The following CPS1 variants were observed in gnomAD, a reference collection of about 807,000 sequenced individuals.
CPS1 encodes the protein carbamoyl-phosphate synthase [ammonia], mitochondrial.
Under a neutral mutation model 174.6 loss-of-function variants are expected in CPS1, and 109 were observed. The ratio of observed to expected loss-of-function variants is 0.62; its 90% CI spans 0.53 to 0.73. CPS1 has a LOEUF of 0.73. Ranked by LOEUF, CPS1 falls within the 30% of genes least tolerant of loss-of-function variation. CPS1 has a pLI of 0.00. For missense variants in CPS1, 1,689 were observed against 1,821.9 expected (o/e 0.93, Z 1.33); for synonymous variants, 637 against 632.0 (o/e 1.01, Z -0.12).
intron 1 of CPS1, among the ~76,000 whole-genome samples, chr2:210,559,950 A>G (rs1052810914): frequency 1.3e-5 from 2 of 152,108 alleles, no homozygotes; most frequent in Non-Finnish European, 2.9e-5. Context: ...CATTCTATAC[A>G]TTTTAGTAGA....
chr2:210,602,103 A>G lies in CPS1; in HGVS notation c.1708-99A>G, dbSNP rs1393967291. Reference sequence around the variant, plus strand: ...GAACATTTCTAGATTCACTCTCCCCACATAAGTTGGTTTACCTGATTGCCA... The same window carrying G: ...GAACATTTCTAGATTCACTCTCCCCGCATAAGTTGGTTTACCTGATTGCCA... On this transcript the variant is annotated intron_variant, in intron 15 of 37. Transcript: ENST00000233072. 2.9e-6 allele frequency: 4 copies of G among 1,389,288 alleles called. No homozygotes were observed. In the African/African-American group the frequency reaches 4.3e-5, roughly 15 times the overall value. 86.1% of individuals were successfully genotyped at this position (1,389,288 alleles called of 1,614,324 possible). A position where few individuals can be genotyped will look rare whatever the true frequency, so the allele number is the denominator to read the frequency against.
intron 1 of CPS1, among the ~76,000 whole-genome samples, chr2:210,532,555 TC>T (rs1425191650): frequency 6.6e-6 from 1 of 152,178 alleles, no homozygotes; most frequent in Non-Finnish European, 1.5e-5. Context: ...GCTAACTATG[TC>T]TTTTTTTTTA....
Position 210,512,975 on chromosome 2 carries a change from TATATATGGAG to T in CPS1, c.3+35211_3+35220del. 9.7e-5 allele frequency among the ~76,000 whole-genome samples: 3 copies of T among 31,072 alleles called. 1 individual carries two copies. Among genetic ancestry groups the T allele is most frequent in the South Asian group, 1.7e-3 (1 of 604 alleles). The allele number at this position is 31,072 out of a possible 152,430, so 20.4% of individuals were successfully genotyped here. ...ATGGAGATATATATATGGAGATATA[TATATATGGAG>T]AGATATATATATGGAGATATATATA... is the stretch of plus-strand genomic sequence containing the variant. On this transcript the variant is annotated intron_variant, in intron 1 of 38. Coordinates refer to the CPS1 transcript ENST00000430249.
chr2:210,660,218 A>G (rs1700871714), intron 31 of CPS1, among the ~76,000 whole-genome samples: 1 of 152,154 alleles, frequency 6.6e-6, no homozygotes, highest in South Asian at 2.1e-4. Context: ...GGGGTATGGC[A>G]TTATTTGAGC....
intron 37 of CPS1, 87 bp downstream of exon 37, chr2:210,677,223 C>A (rs1431290191): frequency 2.4e-6 from 3 of 1,264,320 alleles, no homozygotes; most frequent in Non-Finnish European, 3.5e-6. Context: ...GCACATCTCT[C>A]TTTTCCCCTC....
At chr2:210,577,236 T>C in intron 3 of CPS1, 185 bp from the exon 4 acceptor site, 1 of 615,702 alleles carries the variant, frequency 1.6e-6, no homozygotes, top group South Asian at 1.9e-5. Context: ...CTCAGGATAA[T>C]TAATGCAACA....
intron 1 of CPS1, among the ~76,000 whole-genome samples, chr2:210,492,135 A>G (rs115408863): frequency 0.012 from 1,821 of 152,338 alleles, 25 homozygotes; most frequent in Admixed American, 0.024. Flanking sequence ...TTTTCTGTGC[A>G]ATACCATGTT....
intron 9 of CPS1, 77 bp from the exon 10 acceptor site, chr2:210,591,754 C>G: frequency 6.6e-7 from 1 of 1,509,672 alleles, no homozygotes; most frequent in Non-Finnish European, 9.1e-7. Context: ...TACTTGTTCA[C>G]TACTTTATAA....
intron 1 of CPS1, among the ~76,000 whole-genome samples, chr2:210,533,732 C>T (rs1696175247): frequency 6.6e-6 from 1 of 152,050 alleles, no homozygotes; most frequent in African/African-American, 2.4e-5. Flanking sequence ...TAAGTAATTC[C>T]TAGTTTTGCA....
chr2:210,571,840 G>A (rs1697500153), intron 1 of CPS1, among the ~76,000 whole-genome samples: 1 of 149,476 alleles, frequency 6.7e-6, no homozygotes, highest in Non-Finnish European at 1.5e-5. Context: ...TGGAGTTCCT[G>A]CTGCCTACTA....
chr2:210,556,125 A>G (rs1268122386), upstream of CPS1, among the ~76,000 whole-genome samples: 2 of 152,052 alleles, frequency 1.3e-5, no homozygotes, highest in Admixed American at 6.6e-5. Context: ...TTTATTGTAT[A>G]TTTGTGGAGA....
chr2:210,606,607 A>G (rs1427937969), intron 17 of CPS1, 124 bp from the exon 18 acceptor site: 4 of 883,380 alleles, frequency 4.5e-6, no homozygotes, highest in Admixed American at 3.9e-5. Context: ...ACCTGATATC[A>G]CATATATATC....
At chr2:210,621,080 C>T (rs761550176) in intron 21 of CPS1, among the ~76,000 whole-genome samples, 2 of 152,086 alleles carry the variant, frequency 1.3e-5, no homozygotes, top group East Asian at 1.9e-4. Context: ...TTCCTGTTTA[C>T]GCTCACTGAC....
intron 23 of CPS1, among the ~76,000 whole-genome samples, 158 bp downstream of exon 23, chr2:210,639,373 G>A (rs1700138305): frequency 6.6e-6 from 1 of 151,908 alleles, no homozygotes; most frequent in Non-Finnish European, 1.5e-5. Flanking sequence ...AGCACTTTGG[G>A]AGGCCGAGGC....
intron 28 of CPS1, among the ~76,000 whole-genome samples, chr2:210,651,242 A>C (rs1431072156): frequency 2.6e-5 from 4 of 152,148 alleles, no homozygotes; most frequent in Non-Finnish European, 5.9e-5. Context: ...GGAGCATTTC[A>C]AAGAGGAATA....
At chr2:210,640,513 G>C (rs188996542) in intron 24 of CPS1, among the ~76,000 whole-genome samples, 49 of 152,198 alleles carry the variant, frequency 3.2e-4, no homozygotes, top group African/African-American at 1.2e-3. Flanking sequence ...CAAAAATCTT[G>C]TCTGTTTGGT....
intron 20 of CPS1, 48 bp from the exon 21 acceptor site, chr2:210,616,375 A>G (rs113599189): frequency 8.4e-6 from 11 of 1,308,990 alleles, no homozygotes; most frequent in South Asian, 1.2e-5. Context: ...CAAATAAGAC[A>G]TTTAGAAAAA....
chr2:210,605,266 G>C lies in CPS1; in HGVS notation c.1981+20G>C, dbSNP rs372001261. 30 of 1,611,224 alleles carry C rather than the reference G, an allele frequency of 1.9e-5. No homozygotes were observed. In the African/African-American group the frequency reaches 3.6e-4, roughly 19 times the overall value. The stretch of plus-strand genomic sequence containing the variant: ...ACACAGGTAGGCAAAGTATCTTCAA[G>C]AACTATAGTAATGCTTTCAGTTCAT... On this transcript the variant is annotated intron_variant, in intron 17 of 37. Coordinates refer to ENST00000233072, the MANE Select transcript of CPS1 (RefSeq NM_001875.5).
At chr2:210,499,598 T>G (rs1020780392) in intron 1 of CPS1, among the ~76,000 whole-genome samples, 16 of 152,196 alleles carry the variant, frequency 1.1e-4, no homozygotes, top group African/African-American at 3.6e-4. Flanking sequence ...AAAAACGGCA[T>G]CCTGCTTTCA....
Sources: allele counts gnomAD v4.1 joint callset (sites outside exome capture counted in the v4.1 genomes callset), GRCh38; gene constraint gnomAD v4.1.1; transcripts MANE v1.5; gene names NCBI Gene and HGNC (gene_info 2026-07-23, HGNC 2026-07-21).